The following NEK10 variants were observed in gnomAD, a reference collection of about 807,000 sequenced individuals.
NEK10 encodes the protein serine/threonine-protein kinase Nek10.
NEK10 carries 122 observed loss-of-function variants against 159.8 expected under a neutral mutation model. That is an observed-to-expected ratio of 0.76 (90% confidence interval 0.66 to 0.89). NEK10 has a LOEUF of 0.89. Ranked by LOEUF, NEK10 falls within the 40% of genes least tolerant of loss-of-function variation. NEK10 has a pLI of 0.00. For missense variants in NEK10, 1,342 were observed against 1,323.1 expected, an observed-to-expected ratio of 1.01 and a Z score of -0.22; for synonymous variants, 466 against 457.1, an observed-to-expected ratio of 1.02 and a Z score of -0.25.
intron 3 of NEK10, among the ~76,000 whole-genome samples, chr3:27,347,846 G>A (rs7614085): frequency 2.0e-4 from 30 of 152,190 alleles, no homozygotes; most frequent in African/African-American, 6.5e-4. Context: ...TTAACTAGCT[G>A]CATAATCTTA....
intron 23 of NEK10, among the ~76,000 whole-genome samples, chr3:27,213,993 A>G (rs971543078): frequency 6.6e-5 from 10 of 152,184 alleles, no homozygotes; most frequent in Non-Finnish European, 1.2e-4. Context: ...TATTGCCTCT[A>G]AGGGCAGCCA....
At chr3:27,175,855 T>G (rs1947457581) in intron 26 of NEK10, among the ~76,000 whole-genome samples, 1 of 152,240 alleles carries the variant, frequency 6.6e-6, no homozygotes, top group Admixed American at 6.5e-5. Flanking sequence ...GAATTCCCTC[T>G]ATGAATTGTG....
chr3:27,144,747 G>T (rs1228154764), intron 30 of NEK10, among the ~76,000 whole-genome samples: 1 of 151,840 alleles, frequency 6.6e-6, no homozygotes, highest in African/African-American at 2.4e-5. Context: ...ATTGAAACAG[G>T]GTCTCACTCT....
At chr3:27,254,889 C>T (rs989830889) in intron 23 of NEK10, among the ~76,000 whole-genome samples, 2 of 150,114 alleles carry the variant, frequency 1.3e-5, no homozygotes, top group Non-Finnish European at 3.0e-5. Flanking sequence ...TTTCTTCCTA[C>T]GTATTCTATG....
At chr3:27,120,903 A>G (rs1941212652) in intron 32 of NEK10, among the ~76,000 whole-genome samples, 1 of 152,212 alleles carries the variant, frequency 6.6e-6, no homozygotes, top group East Asian at 1.9e-4. Flanking sequence ...AATTCATAAT[A>G]ATAAGTCAGA....
At chr3:27,228,100 G>A (rs1263541007) in intron 23 of NEK10, among the ~76,000 whole-genome samples, 1 of 152,112 alleles carries the variant, frequency 6.6e-6, no homozygotes, top group Non-Finnish European at 1.5e-5. Context: ...CCTAGTCACT[G>A]GATATTCTAC....
At chr3:27,190,448 G>A (rs751791968) in intron 26 of NEK10, among the ~76,000 whole-genome samples, 9 of 152,150 alleles carry the variant, frequency 5.9e-5, no homozygotes, top group Non-Finnish European at 1.3e-4. Flanking sequence ...ATGGGTACAG[G>A]AAGTAATCTT....
At position 27,118,510 on chromosome 3, in the gene NEK10, A is replaced by G. The variant is rs556968149; in HGVS notation, c.3190+1250T>C. ...GTGAGTACTGGTGGCTCATCTTTAA[A>G]GGCATACCCCACAGTACTGGCAGGC... On this transcript the variant is annotated intron_variant, in intron 33 of 35. Coordinates refer to ENST00000691995, the MANE Select transcript of NEK10 (RefSeq NM_001394966.1). Among the ~76,000 whole-genome samples the G allele has an allele frequency of 3.3e-5, 5 of 152,338 alleles. No homozygotes were observed. The East Asian group carries it at 9.7e-4, about 29-fold the overall frequency.
chr3:27,325,542 C>T (rs994723331), intron 5 of NEK10, among the ~76,000 whole-genome samples: 2 of 152,114 alleles, frequency 1.3e-5, no homozygotes, highest in Admixed American at 6.6e-5. Context: ...CAAACCAGCA[C>T]GTCTCAAACC....
intron 32 of NEK10, among the ~76,000 whole-genome samples, chr3:27,127,599 A>G (rs1302627797): frequency 6.6e-6 from 1 of 152,198 alleles, no homozygotes; most frequent in Non-Finnish European, 1.5e-5. Flanking sequence ...GAAAAGGTAC[A>G]GTAAAATTAT....
At chr3:27,249,882 T>A (rs1052382694) in intron 23 of NEK10, among the ~76,000 whole-genome samples, 27 of 152,322 alleles carry the variant, frequency 1.8e-4, no homozygotes, top group African/African-American at 6.5e-4. Flanking sequence ...TTTTTGTGTA[T>A]CTGTTGTATG....
intron 23 of NEK10, among the ~76,000 whole-genome samples, chr3:27,221,002 C>T (rs1372781195): frequency 1.3e-5 from 2 of 152,180 alleles, no homozygotes; most frequent in African/African-American, 4.8e-5. Context: ...TTACCTCATA[C>T]CATATGCAAA....
chr3:27,354,361 A>G (rs1437464221), intron 1 of NEK10, among the ~76,000 whole-genome samples: 1 of 152,204 alleles, frequency 6.6e-6, no homozygotes, highest in Non-Finnish European at 1.5e-5. Flanking sequence ...TCTAATCGTT[A>G]TATCTGTTTG....
intron 26 of NEK10, among the ~76,000 whole-genome samples, chr3:27,176,721 T>C (rs1487382566): frequency 6.6e-6 from 1 of 152,122 alleles, no homozygotes; most frequent in African/African-American, 2.4e-5. Flanking sequence ...CCTTTTTTAT[T>C]CTAAGTAAAT....
chr3:27,258,826 G>T (rs933056488), intron 22 of NEK10, among the ~76,000 whole-genome samples: 28 of 152,238 alleles, frequency 1.8e-4, no homozygotes, highest in African/African-American at 6.7e-4. Flanking sequence ...CTAGTTTACA[G>T]TCCCACCAAC....
chr3:27,345,568 G>T (rs1046303692), intron 4 of NEK10, among the ~76,000 whole-genome samples: 1 of 152,150 alleles, frequency 6.6e-6, no homozygotes, highest in Non-Finnish European at 1.5e-5. Flanking sequence ...ACCAGCTCCC[G>T]AGAGGGGAGT....
At chr3:27,167,535 T>C (rs941147449) in intron 29 of NEK10, among the ~76,000 whole-genome samples, 3 of 152,226 alleles carry the variant, frequency 2.0e-5, no homozygotes, top group Non-Finnish European at 4.4e-5. Flanking sequence ...ATACAGAGTA[T>C]TTTATTTATA....
At chr3:27,258,394 T>C (rs1267038721) in intron 22 of NEK10, among the ~76,000 whole-genome samples, 1 of 98,462 alleles carries the variant, frequency 1.0e-5, no homozygotes, top group Non-Finnish European at 1.9e-5. Flanking sequence ...CAACAGGCCC[T>C]GGTGTGTGAT....
intron 5 of NEK10, among the ~76,000 whole-genome samples, chr3:27,331,010 C>T (rs573937509): frequency 4.0e-5 from 6 of 151,816 alleles, no homozygotes; most frequent in East Asian, 3.9e-4. Context: ...CCGAAGTGGG[C>T]GGATCACCTG....
Sources: allele counts gnomAD v4.1 joint callset (sites outside exome capture counted in the v4.1 genomes callset), GRCh38; gene constraint gnomAD v4.1.1; transcripts MANE v1.5; gene names NCBI Gene and HGNC (gene_info 2026-07-23, HGNC 2026-07-21).